Variants in GRIK2 observed in about 807,000 individuals in gnomAD.
GRIK2 encodes the protein glutamate receptor ionotropic, kainate 2.
In GRIK2, 32 loss-of-function variants were observed where a neutral mutation model predicts 100.3. The observed-to-expected ratio is 0.32, with a 90% CI of 0.24 to 0.43. The LOEUF is 0.43. Among genes scored for constraint, GRIK2 ranks in the 20% least tolerant of loss-of-function variants. The pLI is 1.00. For missense variants in GRIK2, 843 were observed against 1,114.9 expected, an observed-to-expected ratio of 0.76 and a Z score of 3.47; for synonymous variants, 417 against 389.4, an observed-to-expected ratio of 1.07 and a Z score of -0.83.
chr6:101,909,997 T>TTGTAA (rs143346885), intron 12 of GRIK2, among the ~76,000 whole-genome samples: 127,576 of 150,430 alleles, frequency 0.85, 54,229 homozygotes, highest in East Asian at 0.94. Context: ...GATAGAAGTG[T>TTGTAA]TGTATAAAAT....
chr6:101,982,735 T>C (rs996248678), intron 14 of GRIK2, among the ~76,000 whole-genome samples: 1 of 151,116 alleles, frequency 6.6e-6, no homozygotes, highest in African/African-American at 2.4e-5. Flanking sequence ...GGATTAGACA[T>C]AAGTGTAGAC....
At chr6:101,820,072 C>A (rs1203829589) in intron 10 of GRIK2, among the ~76,000 whole-genome samples, 1 of 152,066 alleles carries the variant, frequency 6.6e-6, no homozygotes, top group Non-Finnish European at 1.5e-5. Context: ...ATTGGGATAA[C>A]CAGTTAGCCT....
chr6:101,556,321 A>ATTTTTTTT lies in GRIK2; in HGVS notation c.116-65604_116-65597dup, dbSNP rs10528480. Among the ~76,000 whole-genome samples, 169 of 59,386 alleles carry ATTTTTTTT rather than the reference A, an allele frequency of 2.8e-3. 31 individuals carry two copies. The highest frequency in any genetic ancestry group is 5.6e-3 in the African/African-American group (100 of 17,912). 39.0% of individuals were successfully genotyped at this position (59,386 alleles called of 152,430 possible). On this transcript the variant is annotated intron_variant, in intron 2 of 16. Transcript: ENST00000369134. ...AATTGCACTATGTAATATATTGGTA[A>ATTTTTTTT]TTTTTTTTTTTTTTTTTTTTTTTTT...
chr6:101,459,859 G>A (rs1280361401), intron 2 of GRIK2, among the ~76,000 whole-genome samples: 3 of 151,526 alleles, frequency 2.0e-5, no homozygotes, highest in African/African-American at 7.3e-5. Flanking sequence ...GGGTTCAAGC[G>A]ATTCTCCTGC....
At chr6:101,774,168 C>T (rs1778590263) in intron 7 of GRIK2, among the ~76,000 whole-genome samples, 1 of 151,974 alleles carries the variant, frequency 6.6e-6, no homozygotes, top group Non-Finnish European at 1.5e-5. Context: ...ACCTAAATTT[C>T]TAGTGTATTT....
chr6:101,417,622 C>G (rs1221707275), intron 2 of GRIK2, among the ~76,000 whole-genome samples: 4 of 152,198 alleles, frequency 2.6e-5, no homozygotes, highest in Non-Finnish European at 5.9e-5. Context: ...CTCCACCTCC[C>G]CCTAAAAGGA....
intron 7 of GRIK2, among the ~76,000 whole-genome samples, chr6:101,790,737 G>C (rs2128407717): frequency 6.6e-6 from 1 of 151,250 alleles, no homozygotes; most frequent in Admixed American, 6.6e-5. Context: ...GAGTTAGGGA[G>C]GATTCCCTCT....
In GRIK2 at chr6:101,526,184, G is replaced by GA. The variant is rs546999930; in HGVS notation, c.116-95759dup. On this transcript the variant is annotated intron_variant, in intron 2 of 16. Transcript: ENST00000369134. ...TCACCCTTGACTTCAATTCAGAAAA[G>GA]AAAAAACCTTAATCACTGTGATCAT... Among the ~76,000 whole-genome samples the GA allele has an allele frequency of 8.5e-5, 13 of 152,124 alleles. No homozygotes were observed. In the South Asian group the frequency reaches 2.3e-3, roughly 27 times the overall value.
At chr6:101,704,106 G>A (rs1467856130) in intron 7 of GRIK2, among the ~76,000 whole-genome samples, 1 of 151,620 alleles carries the variant, frequency 6.6e-6, no homozygotes, top group East Asian at 1.9e-4. Context: ...TTGAGATTAG[G>A]GGCCATAAAT....
rs568753637 is a variant in GRIK2, at chr6:101,426,305, A to G, written c.115+26913A>G. On this transcript the variant is annotated intron_variant, in intron 2 of 16. Coordinates refer to ENST00000369134, the MANE Select transcript of GRIK2 (RefSeq NM_021956.5). ...TGTTGTGTAAGATGAGTAATACTATAGTACTTAACCAACATGGTTATGGGG... is the reference window on the plus strand; with the variant it reads ...TGTTGTGTAAGATGAGTAATACTATGGTACTTAACCAACATGGTTATGGGG... Among the ~76,000 whole-genome samples the G allele has an allele frequency of 2.8e-4, 42 of 152,296 alleles. No homozygotes were observed. The South Asian group carries it at 8.7e-3, about 32-fold the overall frequency.
rs555713216 is a variant in GRIK2, at chr6:101,486,941, C to T, written c.115+87549C>T. 4.8e-5 allele frequency among the ~76,000 whole-genome samples: 7 copies of T among 146,782 alleles called. 2 individuals carry two copies. Among genetic ancestry groups the T allele is most frequent in the East Asian group, 3.9e-4 (2 of 5,136 alleles). ...GTTATAGCATACTAGGCTTTGAAATCGGGAACTATGGACAGCACTATTATC... is the reference window on the plus strand; with the variant it reads ...GTTATAGCATACTAGGCTTTGAAATTGGGAACTATGGACAGCACTATTATC... On this transcript the variant is annotated intron_variant, in intron 2 of 16. Coordinates refer to ENST00000369134, the MANE Select transcript of GRIK2 (RefSeq NM_021956.5).
At chr6:101,914,509 A>G (rs183214732) in intron 12 of GRIK2, among the ~76,000 whole-genome samples, 1 of 151,630 alleles carries the variant, frequency 6.6e-6, no homozygotes, top group Non-Finnish European at 1.5e-5. Flanking sequence ...GCTGTATATT[A>G]GTATGGATGA....
intron 2 of GRIK2, among the ~76,000 whole-genome samples, chr6:101,507,508 C>T (rs1774086097): frequency 6.6e-6 from 1 of 151,894 alleles, no homozygotes; most frequent in Non-Finnish European, 1.5e-5. Flanking sequence ...AAAAAAATTA[C>T]CTAAATCTTT....
At chr6:101,764,234 T>C (rs922281400) in intron 7 of GRIK2, among the ~76,000 whole-genome samples, 1 of 152,178 alleles carries the variant, frequency 6.6e-6, no homozygotes, top group Non-Finnish European at 1.5e-5. Flanking sequence ...TTTCCAAATT[T>C]ATAACCCAGG....
intron 14 of GRIK2, among the ~76,000 whole-genome samples, chr6:102,010,595 CA>C (rs1719241835): frequency 6.6e-6 from 1 of 151,996 alleles, no homozygotes; most frequent in African/African-American, 2.4e-5. Context: ...CCATGTTAGC[CA>C]GGATGGTCCC....
intron 3 of GRIK2, among the ~76,000 whole-genome samples, chr6:101,626,014 T>C (rs1480721041): frequency 2.0e-5 from 3 of 152,080 alleles, no homozygotes; most frequent in Non-Finnish European, 2.9e-5. Context: ...GTAAAAACTG[T>C]TCAGTGAATT....
intron 7 of GRIK2, among the ~76,000 whole-genome samples, chr6:101,707,455 TTA>T (rs1015274460): frequency 1.4e-5 from 2 of 146,422 alleles, no homozygotes. Context: ...CACAATTCTT[TTA>T]TATATATTAT....
intron 13 of GRIK2, chr6:101,928,078 G>C (rs1293644907): frequency 8.7e-6 from 2 of 230,974 alleles, no homozygotes; most frequent in African/African-American, 4.6e-5. Flanking sequence ...AACAATAAAT[G>C]TGGTTTATAA....
chr6:102,027,356 A>G (rs1769758534), intron 14 of GRIK2, among the ~76,000 whole-genome samples: 1 of 151,156 alleles, frequency 6.6e-6, no homozygotes, highest in African/African-American at 2.4e-5. Context: ...AGGAGGTAAA[A>G]CTTTTATTTA....
Sources: gnomAD v4.1 joint callset for allele counts (sites outside exome capture counted in the v4.1 genomes callset) on GRCh38, gnomAD v4.1.1 for gene constraint, MANE v1.5 for transcripts, NCBI Gene and HGNC (gene_info 2026-07-23, HGNC 2026-07-21) for gene names.